Variants in PLEKHA1 observed in about 807,000 individuals in gnomAD.
PLEKHA1 encodes the protein pleckstrin homology domain-containing family A member 1.
In PLEKHA1, 34 loss-of-function variants were observed where a neutral mutation model predicts 52.0. That is an observed-to-expected ratio of 0.65 (90% CI 0.50 to 0.87). The LOEUF is 0.87. Among genes scored for constraint, PLEKHA1 ranks in the 40% least tolerant of loss-of-function variants. The pLI, the probability that PLEKHA1 is intolerant of heterozygous loss-of-function variation, is 0.00. For synonymous variants in PLEKHA1, 163 were observed against 170.7 expected, an observed-to-expected ratio of 0.95 and a Z score of 0.35; for missense variants, 497 against 504.2, an observed-to-expected ratio of 0.99 and a Z score of 0.14.
In PLEKHA1 at chr10:122,424,193, T is replaced by TG. The variant is rs764532977; in HGVS notation, c.682-5dup. 11 of 1,536,372 alleles carry TG rather than the reference T, an allele frequency of 7.2e-6. No individual in the cohort carries two copies. The highest frequency in any genetic ancestry group is 1.5e-5 in the African/African-American group (1 of 68,466). ...ACTGTTTTTTTTTTTTTTTTTTTTT[T>TG]GCCAGGAAAAGGAACCTCTTCGTGT... On this transcript the variant is annotated splice_polypyrimidine_tract_variant and splice_region_variant and intron_variant, in intron 8 of 11. Coordinates refer to ENST00000368990, the MANE Select transcript of PLEKHA1 (RefSeq NM_001001974.4).
rs553452324 is a variant in PLEKHA1, at chr10:122,428,342, A to G, written c.901-1282A>G. On this transcript the variant is annotated intron_variant, in intron 11 of 11. Coordinates refer to ENST00000368990, the MANE Select transcript of PLEKHA1 (RefSeq NM_001001974.4). Reference sequence around the variant, plus strand: ...GTATACATCAAGAGCTGGTGAATGCAGCACGTATGTGGGCTCTCACGCAAA... The same window carrying G: ...GTATACATCAAGAGCTGGTGAATGCGGCACGTATGTGGGCTCTCACGCAAA... The G allele has an allele frequency of 1.2e-5, 18 of 1,545,842 alleles. No homozygotes were observed. The East Asian group carries it at 4.4e-4, about 38-fold the overall frequency.
chr10:122,375,012 A>C (rs1471635308), intron 1 of PLEKHA1: 2 of 151,928 alleles, frequency 1.3e-5, no homozygotes, highest in Non-Finnish European at 2.9e-5. Flanking sequence ...CACGCGCCAC[A>C]GCACCTGGAG....
intron 4 of PLEKHA1, among the ~76,000 whole-genome samples, chr10:122,403,996 A>AT (rs1231893292): frequency 6.6e-6 from 1 of 152,070 alleles, no homozygotes; most frequent in Non-Finnish European, 1.5e-5. Context: ...CCTGCTTTAC[A>AT]TTTTTTATAG....
chr10:122,380,599 A>G (rs2096601330), intron 1 of PLEKHA1, among the ~76,000 whole-genome samples: 1 of 152,188 alleles, frequency 6.6e-6, no homozygotes, highest in Non-Finnish European at 1.5e-5. Flanking sequence ...ATGGGGTAAC[A>G]GGGCAGACGA....
At chr10:122,424,779 C>A in intron 9 of PLEKHA1, 117 bp from the exon 10 acceptor site, 1 of 634,222 alleles carries the variant, frequency 1.6e-6, no homozygotes, top group Non-Finnish European at 2.5e-6. Context: ...TTTGGGTTTG[C>A]TAAATCAGTG....
At chr10:122,425,914 G>C (rs2097332104) in intron 10 of PLEKHA1, among the ~76,000 whole-genome samples, 1 of 151,740 alleles carries the variant, frequency 6.6e-6, no homozygotes. Context: ...ATAATAGGTG[G>C]GGTCATACTA....
chr10:122,438,127 GC>G, the PLEKHA1 span: 1 of 152,338 alleles, frequency 6.6e-6, no homozygotes, highest in South Asian at 2.1e-4. Flanking sequence ...GTGGTGGCGT[GC>G]ATCTGTAGTC....
At chr10:122,391,177 G>T (rs181773658) in intron 1 of PLEKHA1, among the ~76,000 whole-genome samples, 1 of 151,306 alleles carries the variant, frequency 6.6e-6, no homozygotes, top group East Asian at 1.9e-4. Flanking sequence ...ATGTATTCTG[G>T]ATACTAGATC....
At chr10:122,433,675 C>T (rs1049591428), downstream of PLEKHA1, 14 of 152,138 alleles carry the variant, frequency 9.2e-5, no homozygotes, top group Non-Finnish European at 1.5e-4. Context: ...TGTGTGTGTT[C>T]TAATATGCTG....
chr10:122,376,304 A>G (rs1565089751), intron 1 of PLEKHA1, among the ~76,000 whole-genome samples: 2 of 151,916 alleles, frequency 1.3e-5, no homozygotes, highest in East Asian at 1.9e-4. Context: ...ATCTTGGCCA[A>G]TTTTCCCAAG....
intron 8 of PLEKHA1, chr10:122,418,699 G>A (rs1023111554): frequency 3.9e-5 from 6 of 151,974 alleles, no homozygotes; most frequent in African/African-American, 1.5e-4. Context: ...TTCCCTCTTC[G>A]CCTTGTTTGA....
intron 1 of PLEKHA1, among the ~76,000 whole-genome samples, chr10:122,381,767 GA>G (rs1284125023): frequency 6.6e-6 from 1 of 152,202 alleles, no homozygotes; most frequent in Admixed American, 6.5e-5. Flanking sequence ...TGGAAGAAGG[GA>G]GTGGCCCTTT....
intron 1 of PLEKHA1, among the ~76,000 whole-genome samples, chr10:122,380,174 T>A (rs2096594880): frequency 6.6e-6 from 1 of 152,204 alleles, no homozygotes; most frequent in South Asian, 2.1e-4. Context: ...CAACTTTCTA[T>A]CTGGAAACTT....
At chr10:122,391,906 C>T (rs1252197158) in intron 1 of PLEKHA1, among the ~76,000 whole-genome samples, 2 of 152,074 alleles carry the variant, frequency 1.3e-5, no homozygotes, top group Admixed American at 1.3e-4. Flanking sequence ...AATAGTGATG[C>T]AGATACATAG....
chr10:122,394,069 CTTTT>C (rs796831792), intron 2 of PLEKHA1, among the ~76,000 whole-genome samples: 12 of 97,208 alleles, frequency 1.2e-4, no homozygotes, highest in African/African-American at 3.8e-4. Context: ...ACTTTCTCTA[CTTTT>C]TTTTTTTTTT....
At chr10:122,416,174 G>A (rs1253007311) in intron 7 of PLEKHA1, among the ~76,000 whole-genome samples, 172 bp downstream of exon 7, 5 of 152,234 alleles carry the variant, frequency 3.3e-5, no homozygotes, top group Non-Finnish European at 7.3e-5. Flanking sequence ...ATAATTCAAT[G>A]CTGTTATTTG....
Position 122,427,004 on chromosome 10 carries a change from G to A in PLEKHA1, c.873G>A (p.Gln291=), listed in dbSNP as rs747002691. The change falls in exon 11 of 12, where the codon CAG becomes CAA. Residue 291 remains glutamine, a synonymous_variant. Transcript: ENST00000368990. ...IKAVSGAIVA[Q]RGPGRSASSE... is the part of the protein sequence containing the mutation. The stretch of plus-strand genomic sequence containing the variant: ...CAGTCTCTGGCGCCATTGTAGCACA[G>A]CGGGGTCCCGGCAGATCTGCGTCTT... 1.2e-6 allele frequency: 2 copies of A among 1,614,014 alleles called. No individual in the cohort carries two copies. The highest frequency in any genetic ancestry group is 1.7e-6 in the Non-Finnish European group (2 of 1,179,938).
intron 1 of PLEKHA1, among the ~76,000 whole-genome samples, chr10:122,382,199 C>T (rs1295753537): frequency 2.6e-5 from 4 of 152,170 alleles, no homozygotes; most frequent in Admixed American, 6.5e-5. Flanking sequence ...TTCACAGTTA[C>T]GTGGACAACA....
rs1410301574 is a variant in PLEKHA1, at chr10:122,397,913, T to G, written c.142-5T>G. On this transcript the variant is annotated splice_polypyrimidine_tract_variant and splice_region_variant and intron_variant, in intron 2 of 11. Transcript: ENST00000368990. Reference sequence around the variant, plus strand: ...ATTAAGTATATATTAATACTTTGTTTCTAGAACCTACCTTCTGGATCATCA... The same window carrying G: ...ATTAAGTATATATTAATACTTTGTTGCTAGAACCTACCTTCTGGATCATCA... The G allele has an allele frequency of 3.1e-6, 5 of 1,596,930 alleles. No homozygotes were observed. The East Asian group carries it at 1.1e-4, about 36-fold the overall frequency.
Sources: allele counts gnomAD v4.1 joint callset (sites outside exome capture counted in the v4.1 genomes callset), GRCh38; gene constraint gnomAD v4.1.1; transcripts MANE v1.5; gene names NCBI Gene and HGNC (gene_info 2026-07-23, HGNC 2026-07-21).